COL24A1: variants seen among roughly 807,000 people sequenced by gnomAD.
COL24A1 encodes the protein collagen type XXIV alpha 1 chain.
In COL24A1, 224 loss-of-function variants were observed where a neutral mutation model predicts 253.9. That is an observed-to-expected ratio of 0.88 (90% CI 0.79 to 0.99). COL24A1 has a LOEUF of 0.99. Among genes scored for constraint, COL24A1 ranks in the 50% least tolerant of loss-of-function variants. The probability of loss-of-function intolerance (pLI) is 0.00; values close to 1 mark genes in which losing one functional copy is unlikely to be tolerated. For missense variants in COL24A1, 2,131 were observed against 2,068.5 expected (o/e 1.03, Z -0.59); for synonymous variants, 685 against 673.7 (o/e 1.02, Z -0.26).
chr1:85,985,875 G>A (rs1470000763), intron 20 of COL24A1, among the ~76,000 whole-genome samples: 1 of 151,684 alleles, frequency 6.6e-6, no homozygotes, highest in Non-Finnish European at 1.5e-5. Flanking sequence ...TGGCAGGTGG[G>A]GTTGCCTGAT....
chr1:85,947,133 C>T (rs1056238575), intron 24 of COL24A1, among the ~76,000 whole-genome samples: 1 of 152,216 alleles, frequency 6.6e-6, no homozygotes, highest in Admixed American at 6.5e-5. Context: ...AATGCCTTAA[C>T]ATCCTTGTCC....
At chr1:86,065,376 TTCCCC>T (rs1701390773) in intron 7 of COL24A1, among the ~76,000 whole-genome samples, 1 of 152,168 alleles carries the variant, frequency 6.6e-6, no homozygotes, top group African/African-American at 2.4e-5. Context: ...TTAGCTTATT[TTCCCC>T]AAATCACTCC....
intron 5 of COL24A1, among the ~76,000 whole-genome samples, chr1:86,099,485 C>T (rs1242072835): frequency 1.3e-5 from 2 of 152,208 alleles, no homozygotes; most frequent in South Asian, 4.1e-4. Flanking sequence ...TTGTTATTTC[C>T]TACCAGGTGA....
intron 3 of COL24A1, among the ~76,000 whole-genome samples, chr1:86,116,350 G>A (rs1190972267): frequency 6.6e-6 from 1 of 152,130 alleles, no homozygotes; most frequent in Non-Finnish European, 1.5e-5. Flanking sequence ...GTGACCTAAT[G>A]TGCTTTATTT....
At chr1:85,768,604 TC>T (rs1667637644) in intron 53 of COL24A1, among the ~76,000 whole-genome samples, 1 of 151,470 alleles carries the variant, frequency 6.6e-6, no homozygotes, top group African/African-American at 2.4e-5. Flanking sequence ...AGGGCTTATT[TC>T]TTTTTCTTTT....
chr1:85,789,295 C>T (rs1388571823), intron 47 of COL24A1, among the ~76,000 whole-genome samples: 1 of 151,910 alleles, frequency 6.6e-6, no homozygotes, highest in Non-Finnish European at 1.5e-5. Context: ...AGCTATATTC[C>T]TAGGTATTTT....
intron 7 of COL24A1, among the ~76,000 whole-genome samples, chr1:86,071,094 T>A (rs72960368): frequency 7.6e-4 from 116 of 151,920 alleles, no homozygotes; most frequent in African/African-American, 2.5e-3. Flanking sequence ...AATGGGGAAA[T>A]GAAGTTAAGG....
intron 2 of COL24A1, among the ~76,000 whole-genome samples, chr1:86,133,542 G>C (rs1180742282): frequency 6.6e-6 from 1 of 152,180 alleles, no homozygotes; most frequent in Non-Finnish European, 1.5e-5. Flanking sequence ...CTAATTTATT[G>C]AGAGTTTTTA....
chr1:85,963,953 A>C (rs754101368), intron 23 of COL24A1, among the ~76,000 whole-genome samples: 3 of 152,070 alleles, frequency 2.0e-5, no homozygotes, highest in Non-Finnish European at 4.4e-5. Context: ...GAGGACTTTT[A>C]TATGTAACTT....
intron 53 of COL24A1, among the ~76,000 whole-genome samples, chr1:85,761,823 A>T (rs556389243): frequency 6.6e-6 from 1 of 152,162 alleles, no homozygotes; most frequent in African/African-American, 2.4e-5. Context: ...ACTATTATAA[A>T]TGTAACATTT....
At chr1:86,058,825 T>A (rs564977009) in intron 9 of COL24A1, among the ~76,000 whole-genome samples, 15 of 152,216 alleles carry the variant, frequency 9.9e-5, no homozygotes. Flanking sequence ...AGTGACAGTA[T>A]TGTAAAATCA....
chr1:85,800,695 G>T (rs539730308), intron 47 of COL24A1, among the ~76,000 whole-genome samples: 27 of 152,094 alleles, frequency 1.8e-4, no homozygotes, highest in Non-Finnish European at 2.9e-4. Context: ...CTGGAAACTG[G>T]GAGCTGTTGA....
chr1:85,957,260 T>C, intron 24 of COL24A1, among the ~76,000 whole-genome samples: 1 of 152,202 alleles, frequency 6.6e-6, no homozygotes, highest in African/African-American at 2.4e-5. Context: ...AAAACCGAGA[T>C]GACGGGTTGA....
chr1:86,012,950 A>G (rs189880115), intron 19 of COL24A1, among the ~76,000 whole-genome samples: 3,289 of 135,412 alleles, frequency 0.024, 117 homozygotes, highest in East Asian at 0.097. Flanking sequence ...CCTGTCTTCA[A>G]TTATGGTGGT....
chr1:85,992,537 T>G (rs1015329799), intron 19 of COL24A1, among the ~76,000 whole-genome samples: 2 of 152,090 alleles, frequency 1.3e-5, no homozygotes, highest in African/African-American at 4.8e-5. Context: ...ACACTCAAAA[T>G]GTACATCAAA....
rs914321316 is a variant in COL24A1, at chr1:86,124,862, C to T, written c.1474G>A (p.Gly492Arg). ...LEMEYLRGPKGDTGPPGPPGP... is the reference protein window; with the variant it reads ...LEMEYLRGPKRDTGPPGPPGP... ...AAACTTACGGGAGGTCCAGTGTCTC[C>T]TTTTGGCCCTCTCAGATACTCCATT... is the stretch of plus-strand genomic sequence containing the variant. Residue 492 changes from glycine (G) to arginine (R), a missense_variant, in exon 3 of 60, where the codon GGA becomes AGA. Physicochemically the swap from Gly to Arg is moderately radical, Grantham distance 125. Coordinates refer to ENST00000370571, the MANE Select transcript of COL24A1 (RefSeq NM_152890.7). 7.7e-6 allele frequency: 12 copies of T among 1,561,700 alleles called. No individual in the cohort carries two copies. The highest frequency in any genetic ancestry group is 1.0e-5 in the Non-Finnish European group (12 of 1,161,808).
intron 12 of COL24A1, among the ~76,000 whole-genome samples, chr1:86,044,630 T>C (rs979114918): frequency 6.6e-6 from 1 of 152,192 alleles, no homozygotes; most frequent in Non-Finnish European, 1.5e-5. Context: ...CCATAATCAT[T>C]TCATTCACTA....
chr1:85,957,810 T>C (rs1690621604), intron 24 of COL24A1, among the ~76,000 whole-genome samples: 1 of 152,208 alleles, frequency 6.6e-6, no homozygotes, highest in African/African-American at 2.4e-5. Context: ...ATCATAACAT[T>C]GGCTTACTTA....
chr1:85,847,434 T>G (rs938117875), intron 39 of COL24A1, among the ~76,000 whole-genome samples: 1 of 152,206 alleles, frequency 6.6e-6, no homozygotes, highest in African/African-American at 2.4e-5. Flanking sequence ...TCATTTCATA[T>G]TTTATTTCCA....
Sources: gnomAD v4.1 joint callset for allele counts (sites outside exome capture counted in the v4.1 genomes callset) on GRCh38, gnomAD v4.1.1 for gene constraint, MANE v1.5 for transcripts, NCBI Gene and HGNC (gene_info 2026-07-23, HGNC 2026-07-21) for gene names.